SMIM24: variants seen among roughly 807,000 people sequenced by gnomAD.
SMIM24 encodes the protein small integral membrane protein 24, also known as MAP17-related dimer.
A neutral mutation model predicts 10.8 loss-of-function variants in SMIM24; 6 were observed. The ratio of observed to expected loss-of-function variants is 0.55; its 90% CI spans 0.30 to 1.09. The LOEUF is 1.09. Ranked by LOEUF, SMIM24 falls within the 50% of genes least tolerant of loss-of-function variation. The probability of loss-of-function intolerance (pLI) is 0.06; values close to 1 mark genes in which losing one functional copy is unlikely to be tolerated. For synonymous variants in SMIM24, 71 were observed against 62.4 expected (o/e 1.14, Z -0.65); for missense variants, 151 against 153.4 (o/e 0.98, Z 0.08).
At chr19:3,475,529 T>C (rs1013938539) in intron 3 of SMIM24, among the ~76,000 whole-genome samples, 1 of 140,760 alleles carries the variant, frequency 7.1e-6, no homozygotes, top group African/African-American at 2.7e-5. Flanking sequence ...GTTGGAAGGA[T>C]GGATGGATGG....
chr19:3,479,077 A>T, intron 1 of SMIM24, 148 bp from the exon 2 acceptor site: 18 of 418,718 alleles, frequency 4.3e-5, no homozygotes, highest in East Asian at 1.2e-4. Flanking sequence ...AGAGACCTGG[A>T]TGGCGTAGGG....
In SMIM24 at chr19:3,478,667, G is replaced by A. The variant is rs1294286247; in HGVS notation, c.179+151C>T. 3.6e-6 allele frequency: 3 copies of A among 834,056 alleles called. No homozygotes were observed. In the Admixed American group the frequency reaches 8.4e-5, roughly 23 times the overall value. 51.7% of individuals were successfully genotyped at this position (834,056 alleles called of 1,614,324 possible). A position where few individuals can be genotyped will look rare whatever the true frequency, so the allele number is the denominator to read the frequency against. On this transcript the variant is annotated intron_variant, in intron 2 of 3. Transcript: ENST00000215531. ...GGGAGACGGGCGGGTGCAAGCCCGG[G>A]ATCTGGGCTCTGAGAGTAGAGGTTG...
At chr19:3,478,994 A>G in intron 1 of SMIM24, 65 bp from the exon 2 acceptor site, 5 of 1,306,132 alleles carry the variant, frequency 3.8e-6, no homozygotes, top group Non-Finnish European at 5.4e-6. Flanking sequence ...TTCCCCCACC[A>G]CCCTAGCAAG....
intron 3 of SMIM24, among the ~76,000 whole-genome samples, chr19:3,478,050 C>A (rs936775990): frequency 6.6e-6 from 1 of 152,116 alleles, no homozygotes; most frequent in South Asian, 2.1e-4. Flanking sequence ...ATTTATTAAG[C>A]ACCTCCTGTG....
In SMIM24 at chr19:3,480,389, G is replaced by C. The variant is rs1039222960; in HGVS notation, c.67+8C>G. ...CCGCGACGCCCCCTCCCGCCCCCCT[G>C]CACCTACCCTGCTGGGCCTCCACCG... On this transcript the variant is annotated splice_region_variant and intron_variant, in intron 1 of 3. Coordinates refer to ENST00000215531, the MANE Select transcript of SMIM24 (RefSeq NM_001136503.2). 3.2e-6 allele frequency: 5 copies of C among 1,540,914 alleles called. No individual in the cohort carries two copies. The African/African-American group carries it at 6.9e-5, about 21-fold the overall frequency.
chr19:3,475,767 A>C (rs1421354767), intron 3 of SMIM24, among the ~76,000 whole-genome samples: 1 of 150,748 alleles, frequency 6.6e-6, no homozygotes, highest in East Asian at 2.0e-4. Flanking sequence ...CAGATGGGTG[A>C]CTGAGTTGGC....
chr19:3,479,477 AG>A (rs1333780690), intron 1 of SMIM24, among the ~76,000 whole-genome samples: 1 of 137,694 alleles, frequency 7.3e-6, no homozygotes, highest in Non-Finnish European at 1.5e-5. Context: ...GCTTAGAGGG[AG>A]GGGCTTATAA....
intron 1 of SMIM24, among the ~76,000 whole-genome samples, chr19:3,479,636 G>A (rs2082809061): frequency 6.7e-6 from 1 of 148,364 alleles, no homozygotes; most frequent in Non-Finnish European, 1.5e-5. Context: ...GGGGCTCAGG[G>A]AGGGGTCTAT....
At chr19:3,478,546 C>T (rs574346801) in intron 2 of SMIM24, 68 bp from the exon 3 acceptor site, 51 of 1,389,372 alleles carry the variant, frequency 3.7e-5, no homozygotes, top group Middle Eastern at 3.6e-4. Flanking sequence ...GGGAAGGAAG[C>T]GGTGTGACAG....
intron 1 of SMIM24, 101 bp downstream of exon 1, chr19:3,480,296 C>T: frequency 1.7e-6 from 2 of 1,199,946 alleles, no homozygotes; most frequent in Non-Finnish European, 2.3e-6. Flanking sequence ...CCTTTTCTTC[C>T]TGCCCCCTCT....
intron 3 of SMIM24, among the ~76,000 whole-genome samples, chr19:3,477,137 G>A (rs2082795774): frequency 6.7e-6 from 1 of 148,840 alleles, no homozygotes; most frequent in Admixed American, 6.7e-5. Flanking sequence ...ATGGATGGTC[G>A]GTGGATGGAT....
Position 3,474,922 on chromosome 19 carries a change from T to G in SMIM24, c.314A>C (p.Glu105Ala), listed in dbSNP as rs1402608246. The change falls in exon 4 of 4, where the codon GAA (glutamate) becomes GCA (alanine). Residue 105 changes from glutamate to alanine, a missense_variant. Transcript: ENST00000215531. ...ATCCAGTCCCAAGTTGCTCTCTCCT[T>G]CCTTTGCTGTCTTTTTCTCCTTCTT... ...KRKKEKKTAK[E>A]GESNLGLDLE... 6.4e-7 allele frequency: 1 copy of G among 1,551,606 alleles called. No homozygotes were observed. Among genetic ancestry groups the G allele is most frequent in the Non-Finnish European group, 8.7e-7 (1 of 1,147,014 alleles).
At chr19:3,478,992 C>G in intron 1 of SMIM24, 63 bp from the exon 2 acceptor site, 1 of 1,319,508 alleles carries the variant, frequency 7.6e-7, no homozygotes, top group Non-Finnish European at 1.1e-6. Context: ...CCTTCCCCCA[C>G]CACCCTAGCA....
intron 2 of SMIM24, 48 bp from the exon 3 acceptor site, chr19:3,478,526 G>A: frequency 6.8e-7 from 1 of 1,480,782 alleles, no homozygotes; most frequent in South Asian, 1.2e-5. Flanking sequence ...AGGAGAAAGG[G>A]GGCGGTAAAG....
rs892199811 is a variant in SMIM24 at position 3,474,948 on chromosome 19, C to G, written c.288G>C (p.Arg96Ser). The stretch of plus-strand genomic sequence containing the variant: ...CCTTTGCTGTCTTTTTCTCCTTCTT[C>G]CTCTTCTCTTCTTTCTCCTTGGCCT... ...KKEAKEKEEK[R>S]KKEKKTAKEG... Residue 96 changes from arginine (R) to serine (S), a missense_variant, in exon 4 of 4, where the codon AGG (arginine) becomes AGC (serine). Physicochemically the swap from Arg to Ser is moderately radical, Grantham distance 110. Transcript: ENST00000215531. 5.8e-6 allele frequency: 9 copies of G among 1,551,522 alleles called. No individual in the cohort carries two copies. Among genetic ancestry groups the G allele is most frequent in the Non-Finnish European group, 7.8e-6 (9 of 1,147,002 alleles).
chr19:3,479,624 G>A (rs897546761), intron 1 of SMIM24, among the ~76,000 whole-genome samples: 1 of 147,966 alleles, frequency 6.8e-6, no homozygotes, highest in Non-Finnish European at 1.5e-5. Flanking sequence ...TACAACAGAC[G>A]AGGGGCTCAG....
At chr19:3,477,574 AATGGGTGATGGATGGGTGAGTGGGTGG>A (rs2082798816) in intron 3 of SMIM24, among the ~76,000 whole-genome samples, 2 of 65,866 alleles carry the variant, frequency 3.0e-5, no homozygotes, top group South Asian at 6.3e-4. Flanking sequence ...TGAGTGGGTG[AATGGGTGATGGATGGGTGAGTGGGTGG>A]ATGGGTGAGT....
chr19:3,476,049 A>G (rs2082790914), intron 3 of SMIM24, among the ~76,000 whole-genome samples: 1 of 152,014 alleles, frequency 6.6e-6, no homozygotes, highest in African/African-American at 2.4e-5. Context: ...AGAATGGAGA[A>G]TGGGTGGATG....
intron 3 of SMIM24, 24 bp downstream of exon 3, chr19:3,478,395 C>T (rs746347159): frequency 7.0e-4 from 1,087 of 1,544,576 alleles, no homozygotes; most frequent in Non-Finnish European, 8.8e-4. Flanking sequence ...TCACACAGAC[C>T]CCCAGCATCC....
Sources: gnomAD v4.1 joint callset for allele counts (sites outside exome capture counted in the v4.1 genomes callset) on GRCh38, gnomAD v4.1.1 for gene constraint, MANE v1.5 for transcripts, NCBI Gene and HGNC (gene_info 2026-07-23, HGNC 2026-07-21) for gene names.